The following CAPN14 variants were observed in gnomAD, a reference collection of about 807,000 sequenced individuals.
The protein encoded by CAPN14 is calpain-14.
In CAPN14, 94 loss-of-function variants were observed where a neutral mutation model predicts 101.3. That is an observed-to-expected ratio of 0.93 (90% CI 0.79 to 1.10). CAPN14 has a LOEUF of 1.10. Among genes scored for constraint, CAPN14 ranks in the 50% least tolerant of loss-of-function variants. The probability of loss-of-function intolerance (pLI) is 0.00; values close to 1 mark genes in which losing one functional copy is unlikely to be tolerated. For synonymous variants in CAPN14, 338 were observed against 317.9 expected (o/e 1.06, Z -0.67); for missense variants, 837 against 828.4 (o/e 1.01, Z -0.13).
At chr2:31,202,987 T>C (rs1681875447) in intron 3 of CAPN14, 83 bp downstream of exon 3, 5 of 1,219,506 alleles carry the variant, frequency 4.1e-6, no homozygotes, top group Admixed American at 2.2e-5. Flanking sequence ...CTCTGGCTTC[T>C]CTTCTTTATC....
At chr2:31,212,722 A>G (rs1572436211) in intron 1 of CAPN14, among the ~76,000 whole-genome samples, 1 of 152,334 alleles carries the variant, frequency 6.6e-6, no homozygotes, top group South Asian at 2.1e-4. Context: ...CATTTACTGA[A>G]CACCTACTAT....
chr2:31,186,605 T>C, intron 15 of CAPN14, 120 bp from the exon 16 acceptor site: 1 of 689,610 alleles, frequency 1.5e-6, no homozygotes, highest in South Asian at 2.4e-5. Flanking sequence ...TTCACAATGC[T>C]TTTTAACTGG....
At chr2:31,212,140 T>A (rs1682430950) in intron 1 of CAPN14, among the ~76,000 whole-genome samples, 1 of 151,900 alleles carries the variant, frequency 6.6e-6, no homozygotes, top group Non-Finnish European at 1.5e-5. Context: ...CAAAACCCCA[T>A]CTCCACTAAA....
At position 31,188,309 on chromosome 2, in the gene CAPN14, A is replaced by G. The variant is rs1558617048; in HGVS notation, c.1530+9T>C. On this transcript the variant is annotated intron_variant, in intron 14 of 21. Transcript: ENST00000403897. ...TCCCAGCCATATGGAATTCCACCAG[A>G]CTACTCACCTTTGAGAAGACGACAC... 1.3e-6 allele frequency: 2 copies of G among 1,551,088 alleles called. No individual in the cohort carries two copies. The highest frequency in any genetic ancestry group is 2.4e-5 in the East Asian group (1 of 40,916).
intron 2 of CAPN14, among the ~76,000 whole-genome samples, chr2:31,224,522 G>A (rs901967544): frequency 1.3e-5 from 2 of 152,074 alleles, no homozygotes; most frequent in African/African-American, 2.4e-5. Context: ...AAACAAGAAT[G>A]CTCACATCTT....
At chr2:31,177,282 T>C in intron 19 of CAPN14, 140 bp from the exon 20 acceptor site, 2 of 603,136 alleles carry the variant, frequency 3.3e-6, no homozygotes, top group Non-Finnish European at 5.9e-6. Context: ...TAGGGTTCAT[T>C]TTGAATGGTT....
intron 21 of CAPN14, among the ~76,000 whole-genome samples, chr2:31,175,562 T>C (rs1680249256): frequency 6.6e-6 from 1 of 152,146 alleles, no homozygotes; most frequent in South Asian, 2.1e-4. Flanking sequence ...TGTGGAAGGA[T>C]TGCCTGGGAT....
chr2:31,199,632 G>A, intron 6 of CAPN14, 100 bp from the exon 7 acceptor site: 2 of 889,292 alleles, frequency 2.2e-6, no homozygotes, highest in Non-Finnish European at 3.5e-6. Context: ...TTTATGGAGA[G>A]AAGTGTGGGA....
At chr2:31,200,845 T>G (rs1681723102) in intron 5 of CAPN14, among the ~76,000 whole-genome samples, 1 of 152,116 alleles carries the variant, frequency 6.6e-6, no homozygotes, top group Non-Finnish European at 1.5e-5. Flanking sequence ...CCTAGAAGAC[T>G]GGGAACCCCT....
At chr2:31,219,951 T>C (rs942031018), upstream of CAPN14, among the ~76,000 whole-genome samples, 1 of 152,182 alleles carries the variant, frequency 6.6e-6, no homozygotes, top group Non-Finnish European at 1.5e-5. Flanking sequence ...CCAAGTGCCC[T>C]AAATAATCTG....
chr2:31,176,613 T>C lies in CAPN14; in HGVS notation c.2002A>G (p.Lys668Glu). 6.4e-7 allele frequency: 1 copy of C among 1,551,750 alleles called. No individual in the cohort carries two copies. Among genetic ancestry groups the C allele is most frequent in the South Asian group, 1.2e-5 (1 of 84,062 alleles). Residue 668 changes from lysine to glutamate, a missense_variant, in exon 21 of 22, where the codon AAA becomes GAA. By Grantham distance (56) the Lys-to-Glu change is moderately conservative (BLOSUM62 1). Transcript: ENST00000403897. ...TCTGGCTTCTGGAGGTATATCCCTT[T>C]GCCATCTTGGGTTAAGTTTTGGAAG... ...DVFQNLTQDGKGIYLQKPEWM... is the reference protein window; with the variant it reads ...DVFQNLTQDGEGIYLQKPEWM...
chr2:31,211,194 AAAAAAGAAAGAAAGAAAG>A (rs1291430286), intron 1 of CAPN14, among the ~76,000 whole-genome samples: 10 of 151,114 alleles, frequency 6.6e-5, no homozygotes, highest in Non-Finnish European at 1.5e-4. Context: ...AGAAAGAAAG[AAAAAAGAAAGAAAGAAAG>A]AAAAAGAAAG....
intron 16 of CAPN14, among the ~76,000 whole-genome samples, chr2:31,184,438 A>G (rs1273319001): frequency 2.0e-5 from 3 of 152,070 alleles, no homozygotes; most frequent in Non-Finnish European, 2.9e-5. Flanking sequence ...AACCCTCAAC[A>G]CCCTTTTCTG....
upstream of CAPN14, among the ~76,000 whole-genome samples, chr2:31,221,493 T>G (rs117464652): frequency 8.7e-4 from 132 of 152,354 alleles, no homozygotes; most frequent in East Asian, 0.014. Context: ...CCTGATATCA[T>G]TTTCTCCAAG....
At chr2:31,200,383 A>G in intron 6 of CAPN14, 68 bp downstream of exon 6, 3 of 1,344,888 alleles carry the variant, frequency 2.2e-6, no homozygotes, top group Non-Finnish European at 3.1e-6. Flanking sequence ...AGGTGAGGGT[A>G]GTGGTGGTGG....
chr2:31,180,849 G>C lies in CAPN14; in HGVS notation c.1710+87C>G, dbSNP rs1680556632. ...AGGATCCCACAATTAGCAAGGATTG[G>C]GGTTGGGATTCAAATATACTCTGCC... On this transcript the variant is annotated intron_variant, in intron 17 of 21. Transcript: ENST00000403897. The C allele has an allele frequency of 2.7e-6, 3 of 1,114,116 alleles. No homozygotes were observed. The Admixed American group carries it at 6.2e-5, about 23-fold the overall frequency. 69.0% of individuals were successfully genotyped at this position (1,114,116 alleles called of 1,614,324 possible). A position where few individuals can be genotyped will look rare whatever the true frequency, so the allele number is the denominator to read the frequency against.
intron 14 of CAPN14, 118 bp from the exon 15 acceptor site, chr2:31,187,932 C>T (rs568354159): frequency 4.3e-5 from 35 of 819,830 alleles, no homozygotes; most frequent in African/African-American, 3.5e-4. Context: ...GACTTTGCAT[C>T]GTCTTTAATT....
intron 15 of CAPN14, 113 bp from the exon 16 acceptor site, chr2:31,186,598 A>T: frequency 1.3e-6 from 1 of 756,950 alleles, no homozygotes; most frequent in Non-Finnish European, 2.0e-6. Flanking sequence ...TAAGAACTTC[A>T]CAATGCTTTT....
chr2:31,220,376 A>G (rs1682825037), upstream of CAPN14, among the ~76,000 whole-genome samples: 1 of 152,242 alleles, frequency 6.6e-6, no homozygotes. Flanking sequence ...TGAAATGCCT[A>G]TGGCTAAGCT....
Sources: gnomAD v4.1 joint callset for allele counts (sites outside exome capture counted in the v4.1 genomes callset) on GRCh38, gnomAD v4.1.1 for gene constraint, MANE v1.5 for transcripts, NCBI Gene and HGNC (gene_info 2026-07-23, HGNC 2026-07-21) for gene names.